The following INSL6 variants were observed in gnomAD, a reference collection of about 807,000 sequenced individuals.
INSL6 encodes insulin-like peptide INSL6.
INSL6 carries 16 observed loss-of-function variants against 9.4 expected under a neutral mutation model. That is an observed-to-expected ratio of 1.70 (90% CI 1.15 to 2.59). INSL6 has a LOEUF of 2.59. INSL6 is among the 30% of genes most tolerant of loss of function. INSL6 has a pLI of 0.00. For missense variants in INSL6, 391 were observed against 257.3 expected (o/e 1.52, Z -3.56); for synonymous variants, 154 against 96.9 (o/e 1.59, Z -3.46).
the INSL6 span, among the ~76,000 whole-genome samples, chr9:5,089,012 T>G: frequency 6.6e-6 from 1 of 152,226 alleles, no homozygotes; most frequent in Non-Finnish European, 1.5e-5. Context: ...AAAGGTATTT[T>G]GTAAAAAAGG....
the INSL6 span, among the ~76,000 whole-genome samples, chr9:5,118,605 T>C: frequency 6.6e-6 from 1 of 152,228 alleles, no homozygotes; most frequent in African/African-American, 2.4e-5. Context: ...TATTTATTTC[T>C]ATAATGGGAC....
the INSL6 span, among the ~76,000 whole-genome samples, chr9:5,049,250 C>A: frequency 6.6e-6 from 1 of 152,184 alleles, no homozygotes; most frequent in East Asian, 1.9e-4. Context: ...ATGGAAGAGA[C>A]ATGATGAAAA....
chr9:5,042,705 G>A, the INSL6 span, among the ~76,000 whole-genome samples: 1 of 152,136 alleles, frequency 6.6e-6, no homozygotes, highest in East Asian at 1.9e-4. Flanking sequence ...GGGGTGCTGT[G>A]GGGCCATCTT....
the INSL6 span, among the ~76,000 whole-genome samples, chr9:5,118,328 C>T: frequency 6.6e-6 from 1 of 152,038 alleles, no homozygotes; most frequent in Non-Finnish European, 1.5e-5. Context: ...TAATATGTTA[C>T]ACTTTGTATT....
chr9:5,021,493 C>T, the INSL6 span, among the ~76,000 whole-genome samples: 25 of 152,314 alleles, frequency 1.6e-4, no homozygotes, highest in Middle Eastern at 3.4e-3. Context: ...TGATTTCTTG[C>T]ATTGTGCTTT....
At chr9:5,001,707 T>C in the INSL6 span, among the ~76,000 whole-genome samples, 4 of 152,084 alleles carry the variant, frequency 2.6e-5, no homozygotes, top group African/African-American at 4.8e-5. Flanking sequence ...TTGGAAATTA[T>C]TTCTGCCCCT....
chr9:5,140,046 A>G (rs890172956), intron 2 of INSL6, among the ~76,000 whole-genome samples: 1 of 152,216 alleles, frequency 6.6e-6, no homozygotes, highest in African/African-American at 2.4e-5. Context: ...ATTAAATAGT[A>G]CATTTCTAAA....
intron 2 of INSL6, among the ~76,000 whole-genome samples, chr9:5,157,595 A>T (rs1002208509): frequency 1.3e-5 from 2 of 152,336 alleles, no homozygotes; most frequent in South Asian, 4.1e-4. Context: ...CAGACCTAAT[A>T]TAAATGCTAA....
intron 1 of INSL6, among the ~76,000 whole-genome samples, chr9:5,173,739 C>G (rs1450938043): frequency 6.6e-6 from 1 of 151,052 alleles, no homozygotes; most frequent in South Asian, 2.1e-4. Flanking sequence ...TGAACTTGCA[C>G]ATCTCGCTCA....
the INSL6 span, chr9:5,081,958 A>G: frequency 1.0e-6 from 1 of 995,792 alleles, no homozygotes; most frequent in South Asian, 1.6e-5. Flanking sequence ...CATTTTAAGG[A>G]GTGCTTGTAG....
At chr9:5,121,259 G>T (rs1449623712), downstream of INSL6, among the ~76,000 whole-genome samples, 1 of 152,156 alleles carries the variant, frequency 6.6e-6, no homozygotes, top group Non-Finnish European at 1.5e-5. Context: ...TAAGAGATTT[G>T]CAAAGACAGA....
At chr9:5,090,663 G>A in the INSL6 span, 3 of 1,510,276 alleles carry the variant, frequency 2.0e-6, no homozygotes, top group South Asian at 1.3e-5. Flanking sequence ...GATAATAAAG[G>A]GAATATATAG....
chr9:5,025,826 A>G, the INSL6 span, among the ~76,000 whole-genome samples: 4 of 152,018 alleles, frequency 2.6e-5, no homozygotes, highest in South Asian at 2.1e-4. Context: ...GCCAGAATCT[A>G]TTTCTTTAAT....
the INSL6 span, among the ~76,000 whole-genome samples, chr9:5,055,068 T>C: frequency 6.6e-6 from 1 of 152,038 alleles, no homozygotes; most frequent in African/African-American, 2.4e-5. Flanking sequence ...AAATGGTTTT[T>C]TCATTTAATT....
the INSL6 span, among the ~76,000 whole-genome samples, chr9:5,001,520 A>T: frequency 1.3e-5 from 2 of 152,090 alleles, no homozygotes; most frequent in African/African-American, 2.4e-5. Context: ...AGCAACCAGT[A>T]TGACTGGAAT....
chr9:5,113,395 T>A, the INSL6 span, among the ~76,000 whole-genome samples: 36 of 142,106 alleles, frequency 2.5e-4, no homozygotes, highest in African/African-American at 9.2e-4. Context: ...TAATTTTTTT[T>A]AAGGAAAATA....
chr9:5,074,471 A>G, the INSL6 span, among the ~76,000 whole-genome samples: 1 of 152,172 alleles, frequency 6.6e-6, no homozygotes, highest in African/African-American at 2.4e-5. Context: ...AACTTTAAAA[A>G]AATCATATGG....
At chr9:5,045,041 A>G in the INSL6 span, among the ~76,000 whole-genome samples, 1 of 152,236 alleles carries the variant, frequency 6.6e-6, no homozygotes. Context: ...TCACTAATAC[A>G]GTTATGTCAA....
At chr9:5,140,006 C>T (rs1276077792) in intron 2 of INSL6, among the ~76,000 whole-genome samples, 1 of 152,002 alleles carries the variant, frequency 6.6e-6, no homozygotes, top group Non-Finnish European at 1.5e-5. Flanking sequence ...ACAAAGATGA[C>T]TTGCAAATAA....
Sources: allele counts gnomAD v4.1 joint callset (sites outside exome capture counted in the v4.1 genomes callset), GRCh38; gene constraint gnomAD v4.1.1; transcripts MANE v1.5; gene names NCBI Gene and HGNC (gene_info 2026-07-23, HGNC 2026-07-21).